Variants in HIVEP3 observed in about 807,000 individuals in gnomAD.
The protein encoded by HIVEP3 is HIVEP zinc finger 3, also known as transcription factor HIVEP3.
A neutral mutation model predicts 152.8 loss-of-function variants in HIVEP3; 49 were observed. That is an observed-to-expected ratio of 0.32 (90% CI 0.26 to 0.41). The LOEUF is 0.41. HIVEP3 is among the 10% of genes least tolerant of loss of function. The probability of loss-of-function intolerance (pLI) is 1.00; values close to 1 mark genes in which losing one functional copy is unlikely to be tolerated. For synonymous variants in HIVEP3, 1,269 were observed against 1,289.0 expected (o/e 0.98, Z 0.33); for missense variants, 2,790 against 3,103.3 (o/e 0.90, Z 2.40).
At chr1:41,585,781 G>C (rs1442695903) in intron 3 of HIVEP3, among the ~76,000 whole-genome samples, 1 of 152,208 alleles carries the variant, frequency 6.6e-6, no homozygotes, top group Non-Finnish European at 1.5e-5. Context: ...TGACATTGGA[G>C]ATGCAGATGC....
chr1:41,718,296 C>A (rs1176422367), intron 1 of HIVEP3, among the ~76,000 whole-genome samples: 1 of 152,168 alleles, frequency 6.6e-6, no homozygotes, highest in Non-Finnish European at 1.5e-5. Context: ...CAGGCTTAGG[C>A]CAGACAGACT....
At chr1:41,593,492 T>G (rs1558099028) in intron 3 of HIVEP3, among the ~76,000 whole-genome samples, 1 of 152,224 alleles carries the variant, frequency 6.6e-6, no homozygotes, top group Non-Finnish European at 1.5e-5. Flanking sequence ...GAATATCTTC[T>G]GCATACTTGT....
intron 2 of HIVEP3, among the ~76,000 whole-genome samples, chr1:41,652,185 T>G (rs1351793711): frequency 6.6e-6 from 1 of 152,228 alleles, no homozygotes; most frequent in Non-Finnish European, 1.5e-5. Flanking sequence ...TCTGAAGGAC[T>G]AGCTAAGCCA....
intron 1 of HIVEP3, among the ~76,000 whole-genome samples, chr1:41,836,592 C>T (rs762967421): frequency 6.6e-6 from 1 of 152,256 alleles, no homozygotes; most frequent in Non-Finnish European, 1.5e-5. Context: ...ATCAATGAAA[C>T]TGGTCATGTG....
intron 1 of HIVEP3, among the ~76,000 whole-genome samples, chr1:41,716,258 A>T (rs1237965974): frequency 2.0e-5 from 3 of 152,206 alleles, no homozygotes; most frequent in Non-Finnish European, 4.4e-5. Flanking sequence ...AGGGAGGCCC[A>T]TGGGGATGCT....
chr1:41,900,741 C>T (rs1557502034), intron 1 of HIVEP3, among the ~76,000 whole-genome samples: 1 of 151,964 alleles, frequency 6.6e-6, no homozygotes, highest in Non-Finnish European at 1.5e-5. Flanking sequence ...AAAAAGCTTC[C>T]CAGGAAAAAG....
chr1:41,706,228 T>C (rs986145414), intron 1 of HIVEP3, among the ~76,000 whole-genome samples: 2 of 152,236 alleles, frequency 1.3e-5, no homozygotes, highest in Admixed American at 6.5e-5. Flanking sequence ...TGTCCCCTTT[T>C]AGGATTCCCA....
chr1:41,831,662 G>C (rs1250481014), intron 1 of HIVEP3, among the ~76,000 whole-genome samples: 1 of 152,130 alleles, frequency 6.6e-6, no homozygotes, highest in Admixed American at 6.6e-5. Flanking sequence ...TCTCCTATTT[G>C]CATAAATATC....
intron 1 of HIVEP3, among the ~76,000 whole-genome samples, chr1:41,883,019 G>C (rs563336222): frequency 6.6e-6 from 1 of 152,138 alleles, no homozygotes; most frequent in South Asian, 2.1e-4. Context: ...TGGCTATTTA[G>C]GAGGCTTGGA....
chr1:41,786,746 T>C (rs1259828565), intron 1 of HIVEP3, among the ~76,000 whole-genome samples: 1 of 146,474 alleles, frequency 6.8e-6, no homozygotes, highest in African/African-American at 2.7e-5. Context: ...ACACATGTAA[T>C]TTTCTTTCTT....
chr1:41,622,469 T>A (rs1382044798), intron 3 of HIVEP3, among the ~76,000 whole-genome samples: 1 of 152,150 alleles, frequency 6.6e-6, no homozygotes, highest in Non-Finnish European at 1.5e-5. Context: ...ATTCATCCTG[T>A]AGGTCAAGGG....
At chr1:41,706,048 A>G (rs1422141288) in intron 1 of HIVEP3, among the ~76,000 whole-genome samples, 1 of 152,224 alleles carries the variant, frequency 6.6e-6, no homozygotes, top group Admixed American at 6.5e-5. Flanking sequence ...AAACTAGGGT[A>G]CAGCTATATC....
At chr1:41,535,686 A>T (rs1238288317) in intron 5 of HIVEP3, 1 of 151,954 alleles carries the variant, frequency 6.6e-6, no homozygotes, top group African/African-American at 2.4e-5. Flanking sequence ...TGGCTCTAAG[A>T]CTCATGGACT....
intron 3 of HIVEP3, among the ~76,000 whole-genome samples, chr1:41,618,653 C>G (rs747859973): frequency 6.6e-6 from 1 of 151,684 alleles, no homozygotes; most frequent in Non-Finnish European, 1.5e-5. Context: ...TTGTTCAAAG[C>G]CTTCCCTGAC....
chr1:41,783,543 C>T (rs917155498), intron 1 of HIVEP3, among the ~76,000 whole-genome samples: 2 of 152,140 alleles, frequency 1.3e-5, no homozygotes, highest in Non-Finnish European at 2.9e-5. Flanking sequence ...CGGGCAACCT[C>T]ACAGCTACCA....
chr1:41,996,389 C>CAAAAAAAAAA (rs55853325), intron 1 of HIVEP3, among the ~76,000 whole-genome samples: 1 of 141,840 alleles, frequency 7.1e-6, no homozygotes. Flanking sequence ...GAACCTATCT[C>CAAAAAAAAAA]AAAAAAAAAA....
At chr1:41,949,466 T>C (rs919612694) in intron 1 of HIVEP3, among the ~76,000 whole-genome samples, 5 of 152,220 alleles carry the variant, frequency 3.3e-5, no homozygotes, top group Admixed American at 2.0e-4. Flanking sequence ...AGCTTTAGAC[T>C]TTAGGCTAAT....
chr1:41,858,720 G>C (rs1478105362), intron 1 of HIVEP3, among the ~76,000 whole-genome samples: 1 of 152,194 alleles, frequency 6.6e-6, no homozygotes, highest in East Asian at 1.9e-4. Context: ...AGAGAAAACA[G>C]CCACAAGAAA....
rs1048647047 is a variant in HIVEP3, at chr1:41,770,914, G to A, written c.-800-69919C>T. ...ATGGCTACATTAGGGGAGACAGGGT[G>A]AAAGGTACACCAGAACTCTCTAGAG... On this transcript the variant is annotated intron_variant, in intron 1 of 8. Transcript: ENST00000372583. Among the ~76,000 whole-genome samples, 3 of 152,080 alleles carry A rather than the reference G, an allele frequency of 2.0e-5. No homozygotes were observed. In the South Asian group the frequency reaches 6.2e-4, roughly 31 times the overall value.
Sources: allele counts gnomAD v4.1 joint callset (sites outside exome capture counted in the v4.1 genomes callset), GRCh38; gene constraint gnomAD v4.1.1; transcripts MANE v1.5; gene names NCBI Gene and HGNC (gene_info 2026-07-23, HGNC 2026-07-21).